Variants in ZNF804B observed in about 807,000 individuals in gnomAD.
ZNF804B encodes zinc finger protein 804B.
Under a neutral mutation model 101.4 loss-of-function variants are expected in ZNF804B, and 80 were observed. The ratio of observed to expected loss-of-function variants is 0.79; its 90% CI spans 0.66 to 0.95. The LOEUF (loss-of-function observed/expected upper bound fraction) is 0.95, where lower values mean the gene tolerates loss of function less well. Among genes scored for constraint, ZNF804B ranks in the 40% least tolerant of loss-of-function variants. ZNF804B has a pLI of 0.00. For synonymous variants in ZNF804B, 622 were observed against 558.8 expected (o/e 1.11, Z -1.59); for missense variants, 1,673 against 1,561.9 (o/e 1.07, Z -1.20).
intron 1 of ZNF804B, among the ~76,000 whole-genome samples, chr7:89,011,070 G>A (rs1386540067): frequency 1.3e-5 from 2 of 152,180 alleles, no homozygotes; most frequent in East Asian, 3.8e-4. Flanking sequence ...GGCTGGGGAG[G>A]CCTCAGGAAA....
At chr7:89,270,948 A>T (rs1162809078) in intron 2 of ZNF804B, among the ~76,000 whole-genome samples, 3 of 152,182 alleles carry the variant, frequency 2.0e-5, no homozygotes, top group African/African-American at 7.2e-5. Context: ...GTTGCTTGTC[A>T]GCTTAAGGAG....
chr7:89,039,108 C>T (rs1342841133), intron 1 of ZNF804B, among the ~76,000 whole-genome samples: 5 of 151,946 alleles, frequency 3.3e-5, no homozygotes, highest in Non-Finnish European at 7.4e-5. Context: ...ACTATGATGC[C>T]TATGGCTGTG....
At chr7:89,092,659 C>T (rs1789911986) in intron 1 of ZNF804B, among the ~76,000 whole-genome samples, 1 of 152,010 alleles carries the variant, frequency 6.6e-6, no homozygotes, top group Non-Finnish European at 1.5e-5. Context: ...GATCCACCCG[C>T]CTTGGCCTCC....
At chr7:88,769,443 T>C (rs1382522083) in intron 1 of ZNF804B, among the ~76,000 whole-genome samples, 1 of 152,228 alleles carries the variant, frequency 6.6e-6, no homozygotes, top group Non-Finnish European at 1.5e-5. Flanking sequence ...GAGTGCTTTA[T>C]TCTATGTAGC....
chr7:89,208,957 A>G (rs1045062320), intron 1 of ZNF804B, among the ~76,000 whole-genome samples: 14 of 152,106 alleles, frequency 9.2e-5, no homozygotes, highest in Admixed American at 8.5e-4. Flanking sequence ...GCTTGCAGTG[A>G]GCTGAGATCG....
intron 1 of ZNF804B, among the ~76,000 whole-genome samples, chr7:88,889,473 A>C (rs1409275051): frequency 1.3e-5 from 2 of 152,170 alleles, no homozygotes; most frequent in African/African-American, 2.4e-5. Flanking sequence ...AATAATTGCC[A>C]TTCTGACTAG....
At chr7:88,876,215 G>A (rs1487856689) in intron 1 of ZNF804B, among the ~76,000 whole-genome samples, 2 of 151,826 alleles carry the variant, frequency 1.3e-5, no homozygotes, top group Non-Finnish European at 2.9e-5. Flanking sequence ...GCAACCTCTG[G>A]GACTTGACCC....
At chr7:88,897,032 C>T (rs553431713) in intron 1 of ZNF804B, among the ~76,000 whole-genome samples, 7 of 152,192 alleles carry the variant, frequency 4.6e-5, no homozygotes, top group African/African-American at 9.6e-5. Flanking sequence ...GAGAGATGTT[C>T]GATAAACTTA....
chr7:88,907,536 A>G (rs1022319655), intron 1 of ZNF804B, among the ~76,000 whole-genome samples: 3 of 151,986 alleles, frequency 2.0e-5, no homozygotes, highest in Non-Finnish European at 4.4e-5. Context: ...TCTAATTTAA[A>G]CTAATTTAAT....
chr7:89,278,257 G>C (rs932182413), intron 2 of ZNF804B, among the ~76,000 whole-genome samples: 1 of 151,844 alleles, frequency 6.6e-6, no homozygotes, highest in Non-Finnish European at 1.5e-5. Flanking sequence ...TTAACCCTTT[G>C]TCAGATGAGT....
intron 2 of ZNF804B, among the ~76,000 whole-genome samples, chr7:89,225,310 C>G (rs1789072581): frequency 6.6e-6 from 1 of 152,056 alleles, no homozygotes; most frequent in Admixed American, 6.6e-5. Context: ...CACTACAAGT[C>G]AGGGCTTTCT....
chr7:89,303,531 G>C (rs977022593), intron 2 of ZNF804B, among the ~76,000 whole-genome samples: 1 of 151,812 alleles, frequency 6.6e-6, no homozygotes, highest in African/African-American at 2.4e-5. Context: ...ATTGCTACTT[G>C]TATAATTCTG....
chr7:89,014,804 G>T (rs967846490), intron 1 of ZNF804B, among the ~76,000 whole-genome samples: 1 of 152,008 alleles, frequency 6.6e-6, no homozygotes, highest in Non-Finnish European at 1.5e-5. Flanking sequence ...TTCATAGGTT[G>T]GCTTTCCACT....
In ZNF804B at chr7:89,335,280, T is replaced by G; in HGVS notation, c.2298T>G (p.Ser766=). ...TAAAGCACAACTGCTTCTACTTGTC[T>G]GATGATATAACAAAGAGCAGCCAAA... ...KCLKHNCFYL[S]DDITKSSQMQ... is the part of the protein sequence containing the mutation. Residue 766 remains serine, a synonymous_variant, in exon 4 of 4, where the codon TCT becomes TCG. Transcript: ENST00000333190. 1.9e-6 allele frequency: 3 copies of G among 1,613,758 alleles called. No individual in the cohort carries two copies. The South Asian group carries it at 3.3e-5, about 18-fold the overall frequency.
At chr7:88,853,386 G>A (rs886152680) in intron 1 of ZNF804B, among the ~76,000 whole-genome samples, 1 of 152,086 alleles carries the variant, frequency 6.6e-6, no homozygotes, top group Non-Finnish European at 1.5e-5. Context: ...AGGGTTTTGT[G>A]ATGTCAAGGC....
intron 1 of ZNF804B, among the ~76,000 whole-genome samples, chr7:89,110,213 C>T (rs754937120): frequency 6.6e-6 from 1 of 151,926 alleles, no homozygotes; most frequent in Non-Finnish European, 1.5e-5. Context: ...AACAAAACTG[C>T]CATACAATAT....
At chr7:89,007,979 G>T (rs772719072) in intron 1 of ZNF804B, among the ~76,000 whole-genome samples, 99 of 152,052 alleles carry the variant, frequency 6.5e-4, no homozygotes, top group Non-Finnish European at 1.2e-3. Context: ...TAATTTATTT[G>T]CATTTCTATG....
intron 1 of ZNF804B, among the ~76,000 whole-genome samples, chr7:89,052,354 T>C (rs1301788549): frequency 6.6e-6 from 1 of 152,110 alleles, no homozygotes; most frequent in Non-Finnish European, 1.5e-5. Flanking sequence ...GTGTATTTCC[T>C]AAGTTTCTAA....
chr7:89,313,072 T>G (rs969472764), intron 2 of ZNF804B, among the ~76,000 whole-genome samples: 1 of 152,188 alleles, frequency 6.6e-6, no homozygotes, highest in African/African-American at 2.4e-5. Flanking sequence ...CAGGCTGGAC[T>G]TTTGAATCCA....
Sources: allele counts gnomAD v4.1 joint callset (sites outside exome capture counted in the v4.1 genomes callset), GRCh38; gene constraint gnomAD v4.1.1; transcripts MANE v1.5; gene names NCBI Gene and HGNC (gene_info 2026-07-23, HGNC 2026-07-21).